The following EPS8 variants were observed in gnomAD, a reference collection of about 807,000 sequenced individuals.
EPS8 encodes the protein epidermal growth factor receptor kinase substrate 8.
A neutral mutation model predicts 103.8 loss-of-function variants in EPS8; 42 were observed. The observed-to-expected ratio is 0.40, with a 90% CI of 0.32 to 0.52. The LOEUF (loss-of-function observed/expected upper bound fraction) is 0.52. EPS8 is among the 20% of genes least tolerant of loss of function. EPS8 has a pLI of 0.40. For synonymous variants in EPS8, 344 were observed against 344.6 expected, an observed-to-expected ratio of 1.00 and a Z score of 0.02; for missense variants, 969 against 1,005.1, an observed-to-expected ratio of 0.96 and a Z score of 0.49.
rs1409245725 is a variant in EPS8, at chr12:15,749,521, A to C, written c.-22+39640T>G. Among the ~76,000 whole-genome samples the C allele has an allele frequency of 1.3e-5, 2 of 152,204 alleles. No individual in the cohort carries two copies. Among genetic ancestry groups the C allele is most frequent in the African/African-American group, 2.4e-5 (1 of 41,440 alleles). ...ATATGTTCAGTCCAAAATAGAAAAT[A>C]ATCTCCTTACAAGAAAACACACGCC... is the stretch of plus-strand genomic sequence containing the variant. On this transcript the variant is annotated intron_variant, in intron 1 of 20. Transcript: ENST00000281172. The surrounding 1 kb of genome is among the most constrained non-coding windows in gnomAD (Gnocchi z 4.0).
At position 15,785,439 on chromosome 12, in the gene EPS8, G is replaced by A. The variant is rs1480369544; in HGVS notation, c.-22+3722C>T. On this transcript the variant is annotated intron_variant, in intron 1 of 20. Coordinates refer to ENST00000281172, the MANE Select transcript of EPS8 (RefSeq NM_004447.6). The surrounding 1 kb of genome is among the most constrained non-coding windows in gnomAD (Gnocchi z 4.9). ...GCAAACCAGGTTTCTTCTCACTGTT[G>A]GAGTAAGTTTACATATAAACAAAGG... Among the ~76,000 whole-genome samples the A allele has an allele frequency of 1.3e-5, 2 of 152,204 alleles. No individual in the cohort carries two copies. Among genetic ancestry groups the A allele is most frequent in the African/African-American group, 4.8e-5 (2 of 41,552 alleles).
chr12:15,684,051 G>A lies in EPS8; in HGVS notation c.-21-1079C>T, dbSNP rs1946054146. The A allele has an allele frequency of 2.0e-5, 3 of 152,114 alleles. No homozygotes were observed. In the South Asian group the frequency reaches 6.2e-4, roughly 32 times the overall value. 9.4% of individuals were successfully genotyped at this position (152,114 alleles called of 1,614,324 possible). On this transcript the variant is annotated intron_variant, in intron 1 of 20. Coordinates refer to ENST00000281172, the MANE Select transcript of EPS8 (RefSeq NM_004447.6). This position sits in a 1 kb window ranked among gnomAD's most constrained non-coding sequence, Gnocchi z 4.9. The stretch of plus-strand genomic sequence containing the variant: ...CAAACAGACATGGTCCCAACTATAG[G>A]GCCAACAGTCTAGTGGGGGGAAACA...
Position 15,690,746 on chromosome 12 carries a change from G to A in EPS8, c.-21-7774C>T, listed in dbSNP as rs1476402237. Among the ~76,000 whole-genome samples the A allele has an allele frequency of 2.0e-5, 3 of 152,244 alleles. No individual in the cohort carries two copies. The highest frequency in any genetic ancestry group is 1.9e-4 in the East Asian group (1 of 5,178). On this transcript the variant is annotated intron_variant, in intron 1 of 20. Coordinates refer to ENST00000281172, the MANE Select transcript of EPS8 (RefSeq NM_004447.6). The surrounding 1 kb of genome is among the most constrained non-coding windows in gnomAD (Gnocchi z 4.7). ...AACTTTATGTCTATGAAAAGTTCAC[G>A]ACTAAGCAGGTAAGTTAAAACCCTC...
In EPS8 at chr12:15,713,026, T is replaced by C. The variant is rs1489712374; in HGVS notation, c.-21-30054A>G. 2.0e-6 allele frequency: 2 copies of C among 984,490 alleles called. No individual in the cohort carries two copies. The highest frequency in any genetic ancestry group is 2.4e-6 in the Non-Finnish European group (2 of 829,190). The allele number at this position is 984,490 out of a possible 1,614,324, so 61.0% of individuals were successfully genotyped here. ...CAAACAAAATTTCTGATTTGGTTTC[T>C]CTAGGGCGTTAACTAAGATTTCCTC... is the stretch of plus-strand genomic sequence containing the variant. On this transcript the variant is annotated intron_variant, in intron 1 of 20. Transcript: ENST00000281172. The surrounding 1 kb of genome is among the most constrained non-coding windows in gnomAD (Gnocchi z 4.8).
At position 15,761,434 on chromosome 12, in the gene EPS8, T is replaced by C; in HGVS notation, c.-22+27727A>G. ...TTCTTCACAGAAATAGAAAAAACAA[T>C]CCTAAAATTTATATGGACCCACAAA... On this transcript the variant is annotated intron_variant, in intron 1 of 20. Transcript: ENST00000281172. The surrounding 1 kb of genome is among the most constrained non-coding windows in gnomAD (Gnocchi z 4.5). Among the ~76,000 whole-genome samples, 1 of 151,826 alleles carries C rather than the reference T, an allele frequency of 6.6e-6. No individual in the cohort carries two copies. The highest frequency in any genetic ancestry group is 1.5e-5 in the Non-Finnish European group (1 of 67,916).
chr12:15,786,036 T>C (rs1215227164), intron 1 of EPS8, among the ~76,000 whole-genome samples: 1 of 151,848 alleles, frequency 6.6e-6, no homozygotes, highest in Non-Finnish European at 1.5e-5. Context: ...TTTATATAGA[T>C]TTCTACCATC....
At position 15,623,290 on chromosome 12, in the gene EPS8, A is replaced by T. The variant is rs1350186835; in HGVS notation, c.2226-3T>A. On this transcript the variant is annotated splice_polypyrimidine_tract_variant and splice_region_variant and intron_variant, in intron 19 of 20. Coordinates refer to ENST00000281172, the MANE Select transcript of EPS8 (RefSeq NM_004447.6). ...ATACTCCAAGACTATTGACAGTCCT[A>T]AAAAAAAAAAAAGGAAAAAGAAACT... 2 of 268,164 alleles carry T rather than the reference A, an allele frequency of 7.5e-6. No individual in the cohort carries two copies. The highest frequency in any genetic ancestry group is 1.1e-5 in the Non-Finnish European group (2 of 176,802). 16.6% of individuals were successfully genotyped at this position (268,164 alleles called of 1,614,324 possible). A position where few individuals can be genotyped will look rare whatever the true frequency, so the allele number is the denominator to read the frequency against.
At chr12:15,726,594 T>C (rs1327209072) in intron 1 of EPS8, among the ~76,000 whole-genome samples, 2 of 152,194 alleles carry the variant, frequency 1.3e-5, no homozygotes, top group Non-Finnish European at 2.9e-5. Context: ...CTTACATACA[T>C]ACACATGGAA....
At chr12:15,669,617 T>A (rs755008625) in intron 5 of EPS8, 47 bp downstream of exon 5, 7 of 1,554,138 alleles carry the variant, frequency 4.5e-6, no homozygotes, top group Non-Finnish European at 6.1e-6. Context: ...ACATTAATAT[T>A]TGTGGAGTTT....
At position 15,721,806 on chromosome 12, in the gene EPS8, T is replaced by A. The variant is rs995002004; in HGVS notation, c.-21-38834A>T. ...CAAATATCAGACTTTTTAAAATTTT[T>A]ATTATATATTATAAATATTATTTCT... On this transcript the variant is annotated intron_variant, in intron 1 of 20. Transcript: ENST00000281172. This position sits in a 1 kb window ranked among gnomAD's most constrained non-coding sequence, Gnocchi z 4.4. 6.6e-6 allele frequency among the ~76,000 whole-genome samples: 1 copy of A among 151,596 alleles called. No individual in the cohort carries two copies. The highest frequency in any genetic ancestry group is 1.5e-5 in the Non-Finnish European group (1 of 67,870).
rs1048634180 is a variant in EPS8 at position 15,751,784 on chromosome 12, C to G, written c.-22+37377G>C. On this transcript the variant is annotated intron_variant, in intron 1 of 20. Transcript: ENST00000281172. The surrounding 1 kb of genome is among the most constrained non-coding windows in gnomAD (Gnocchi z 4.3). The stretch of plus-strand genomic sequence containing the variant: ...TCCTTAGTATCCTTCTTACCATACT[C>G]TACTTACACCATAGCTCAGACAACA... 6.6e-6 allele frequency among the ~76,000 whole-genome samples: 1 copy of G among 152,038 alleles called. No individual in the cohort carries two copies. Among genetic ancestry groups the G allele is most frequent in the Non-Finnish European group, 1.5e-5 (1 of 68,016 alleles).
At position 15,658,169 on chromosome 12, in the gene EPS8, A is replaced by T; in HGVS notation, c.1027-16T>A. On this transcript the variant is annotated splice_polypyrimidine_tract_variant and intron_variant, in intron 11 of 20. Transcript: ENST00000281172. The stretch of plus-strand genomic sequence containing the variant: ...TCAGTTTGGCCTGCAACATGAAGAA[A>T]ACAGAAAACAGATTACTATCAAGCA... 1 of 1,564,346 alleles carries T rather than the reference A, an allele frequency of 6.4e-7. No homozygotes were observed. Among genetic ancestry groups the T allele is most frequent in the East Asian group, 2.2e-5 (1 of 44,536 alleles).
intron 19 of EPS8, 35 bp downstream of exon 19, chr12:15,624,192 A>C (rs1460164543): frequency 6.4e-7 from 1 of 1,566,420 alleles, no homozygotes; most frequent in Admixed American, 1.7e-5. Context: ...CATGTTGTAC[A>C]CACAGAATTG....
intron 3 of EPS8, among the ~76,000 whole-genome samples, chr12:15,675,188 T>C (rs1020173951): frequency 6.6e-6 from 1 of 152,220 alleles, no homozygotes; most frequent in Non-Finnish European, 1.5e-5. Context: ...ATGCAGTTTA[T>C]AGGTTACTTA....
chr12:15,762,423 C>T lies in EPS8; in HGVS notation c.-22+26738G>A, dbSNP rs1211905970. 2.0e-5 allele frequency among the ~76,000 whole-genome samples: 3 copies of T among 152,132 alleles called. No homozygotes were observed. Among genetic ancestry groups the T allele is most frequent in the Non-Finnish European group, 2.9e-5 (2 of 68,018 alleles). On this transcript the variant is annotated intron_variant, in intron 1 of 20. Coordinates refer to ENST00000281172, the MANE Select transcript of EPS8 (RefSeq NM_004447.6). The surrounding 1 kb of genome is among the most constrained non-coding windows in gnomAD (Gnocchi z 4.8). ...GAGAGCTACATTATGATCCAGCAATCGCGCTGCTAGGTATAGACCCAAAAG... is the reference window on the plus strand; with the variant it reads ...GAGAGCTACATTATGATCCAGCAATTGCGCTGCTAGGTATAGACCCAAAAG...
In EPS8 at chr12:15,784,376, T is replaced by C. The variant is rs931072906; in HGVS notation, c.-22+4785A>G. Among the ~76,000 whole-genome samples the C allele has an allele frequency of 2.0e-5, 3 of 151,894 alleles. No homozygotes were observed. Among genetic ancestry groups the C allele is most frequent in the Admixed American group, 2.0e-4 (3 of 15,254 alleles). Reference sequence around the variant, plus strand: ...CAGAAGATGTACAGATGAAAAGGGGTATGTGAAAAGATGTTAACATCATAT... The same window carrying C: ...CAGAAGATGTACAGATGAAAAGGGGCATGTGAAAAGATGTTAACATCATAT... On this transcript the variant is annotated intron_variant, in intron 1 of 20. Coordinates refer to ENST00000281172, the MANE Select transcript of EPS8 (RefSeq NM_004447.6). The surrounding 1 kb of genome is among the most constrained non-coding windows in gnomAD (Gnocchi z 4.0).
chr12:15,629,217 A>G (rs1274873196), intron 18 of EPS8, among the ~76,000 whole-genome samples: 8 of 152,322 alleles, frequency 5.3e-5, no homozygotes, highest in Middle Eastern at 6.8e-3. Context: ...AAAAGTATGC[A>G]AACTATGCCT....
chr12:15,733,758 T>C lies in EPS8; in HGVS notation c.-21-50786A>G, dbSNP rs1372313085. ...TACCACATATATCAAGGCATCCAGA[T>C]GAATGATTAAAATTCTAGAGAAGGG... On this transcript the variant is annotated intron_variant, in intron 1 of 20. Transcript: ENST00000281172. This position sits in a 1 kb window ranked among gnomAD's most constrained non-coding sequence, Gnocchi z 4.8. Among the ~76,000 whole-genome samples, 1 of 152,190 alleles carries C rather than the reference T, an allele frequency of 6.6e-6. No homozygotes were observed. The highest frequency in any genetic ancestry group is 2.4e-5 in the African/African-American group (1 of 41,438).
intron 1 of EPS8, among the ~76,000 whole-genome samples, chr12:15,758,446 C>T (rs930720043): frequency 2.1e-4 from 32 of 152,164 alleles, no homozygotes; most frequent in Admixed American, 1.2e-3. Flanking sequence ...TTTCCATGGT[C>T]GTGCTGTTCA....
Sources: gnomAD v4.1 joint callset for allele counts (sites outside exome capture counted in the v4.1 genomes callset) on GRCh38, gnomAD v4.1.1 for gene constraint, Gnocchi (gnomAD v3.1) non-coding constraint, MANE v1.5 for transcripts, NCBI Gene and HGNC (gene_info 2026-07-23, HGNC 2026-07-21) for gene names.